FTCDNL1: variants seen among roughly 807,000 people sequenced by gnomAD.
The protein encoded by FTCDNL1 is formiminotransferase cyclodeaminase N-terminal like.
FTCDNL1 carries 11 observed loss-of-function variants against 5.9 expected under a neutral mutation model. The ratio of observed to expected loss-of-function variants is 1.87; its 90% confidence interval spans 1.18 to 3.10. FTCDNL1 has a LOEUF of 3.10. Ranked by LOEUF, FTCDNL1 falls within the 30% of genes most tolerant of loss-of-function variation. The probability of loss-of-function intolerance (pLI) is 0.00; values close to 1 mark genes in which losing one functional copy is unlikely to be tolerated. For missense variants in FTCDNL1, 115 were observed against 65.5 expected, an observed-to-expected ratio of 1.76 and a Z score of -2.61; for synonymous variants, 58 against 24.8, an observed-to-expected ratio of 2.34 and a Z score of -3.99.
At chr2:199,670,342 T>C in the FTCDNL1 span, among the ~76,000 whole-genome samples, 3,497 of 152,274 alleles carry the variant, frequency 0.023, 142 homozygotes, top group African/African-American at 0.078. Context: ...TATTTCAGCT[T>C]TCCAGTAGGT....
At chr2:199,767,925 T>C (rs1313048493) in intron 3 of FTCDNL1, among the ~76,000 whole-genome samples, 3 of 152,192 alleles carry the variant, frequency 2.0e-5, no homozygotes, top group Admixed American at 6.5e-5. Context: ...AACCTCCAGA[T>C]AAGCAAAGCA....
chr2:199,834,770 C>T (rs1405982915), intron 3 of FTCDNL1, among the ~76,000 whole-genome samples: 3 of 152,220 alleles, frequency 2.0e-5, no homozygotes, highest in Admixed American at 1.3e-4. Context: ...ACTCTTATTT[C>T]CCTGAGGGGA....
the FTCDNL1 span, among the ~76,000 whole-genome samples, chr2:199,706,492 T>A: frequency 6.6e-6 from 1 of 152,122 alleles, no homozygotes; most frequent in African/African-American, 2.4e-5. Flanking sequence ...TGCCAACCGG[T>A]TAAACCATTT....
At chr2:199,700,890 A>G in the FTCDNL1 span, among the ~76,000 whole-genome samples, 2 of 152,186 alleles carry the variant, frequency 1.3e-5, no homozygotes, top group East Asian at 1.9e-4. Flanking sequence ...AATCAACTCA[A>G]GATGGATTAA....
the FTCDNL1 span, among the ~76,000 whole-genome samples, chr2:199,731,189 G>A: frequency 2.6e-5 from 4 of 152,162 alleles, no homozygotes; most frequent in African/African-American, 4.8e-5. Context: ...ACCAGGGCCT[G>A]TCGAGGGGTT....
At chr2:199,841,845 T>C (rs572173599) in intron 3 of FTCDNL1, among the ~76,000 whole-genome samples, 30 of 152,310 alleles carry the variant, frequency 2.0e-4, no homozygotes, top group Non-Finnish European at 4.1e-4. Context: ...TTCTCTATCA[T>C]GCAGGCAGAG....
intron 3 of FTCDNL1, among the ~76,000 whole-genome samples, chr2:199,765,556 AT>A (rs374926252): frequency 1.6e-4 from 7 of 42,656 alleles, no homozygotes; most frequent in African/African-American, 2.6e-4. Flanking sequence ...ATATATATAT[AT>A]TTTTTTTTTT....
At chr2:199,793,544 A>G (rs1700034017) in intron 3 of FTCDNL1, among the ~76,000 whole-genome samples, 2 of 151,902 alleles carry the variant, frequency 1.3e-5, no homozygotes, top group African/African-American at 4.8e-5. Context: ...ATGAATTTTC[A>G]CAAAATCATC....
At chr2:199,689,703 C>T in the FTCDNL1 span, among the ~76,000 whole-genome samples, 2 of 150,546 alleles carry the variant, frequency 1.3e-5, no homozygotes, top group Non-Finnish European at 1.5e-5. Context: ...GTAAGCTACT[C>T]GGGAGGCTGA....
the FTCDNL1 span, among the ~76,000 whole-genome samples, chr2:199,695,086 G>A: frequency 6.6e-5 from 10 of 152,058 alleles, no homozygotes; most frequent in African/African-American, 1.7e-4. Context: ...ACACACTAAC[G>A]TTTCCACCCA....
rs1454424260 is a variant in FTCDNL1 at position 199,848,903 on chromosome 2, G to A, written c.60C>T (p.Ala20=). 1.1e-5 allele frequency: 8 copies of A among 702,080 alleles called. No individual in the cohort carries two copies. Among genetic ancestry groups the A allele is most frequent in the Middle Eastern group, 2.3e-4 (1 of 4,364 alleles). 43.5% of individuals were successfully genotyped at this position (702,080 alleles called of 1,614,324 possible). The change falls in exon 2 of 5, where the codon GCC becomes GCT. Residue 20 remains alanine, a synonymous_variant. Coordinates refer to ENST00000420128, the MANE Select transcript of FTCDNL1 (RefSeq NM_001363886.2). ...LAACLLNVSE[A]GRKYIVENIA... ...TGTTCTCAACAATGTATTTTCTTCC[G>A]GCTTCTGAAACGTTTAGTAAACAGG...
the FTCDNL1 span, among the ~76,000 whole-genome samples, chr2:199,680,686 C>T: frequency 1.3e-5 from 2 of 152,214 alleles, no homozygotes; most frequent in East Asian, 1.9e-4. Context: ...TGCCATGGGC[C>T]GCATCAGACA....
At chr2:199,846,449 A>T (rs1353043355) in intron 2 of FTCDNL1, among the ~76,000 whole-genome samples, 1 of 152,202 alleles carries the variant, frequency 6.6e-6, no homozygotes, top group Non-Finnish European at 1.5e-5. Context: ...AAATTCCCTT[A>T]ACTCAGTCTA....
intron 3 of FTCDNL1, among the ~76,000 whole-genome samples, chr2:199,793,744 T>C (rs868222792): frequency 6.6e-6 from 1 of 152,144 alleles, no homozygotes; most frequent in South Asian, 2.1e-4. Context: ...CATCAAGAAC[T>C]CACAACCACC....
chr2:199,846,003 G>C, intron 3 of FTCDNL1, 72 bp downstream of exon 3: 1 of 603,962 alleles, frequency 1.7e-6, no homozygotes, highest in Non-Finnish European at 3.0e-6. Context: ...GGAAATCAAT[G>C]ATTAGAGAAT....
At chr2:199,754,462 C>CTTTAACACCAGGAGGCCACCA in the FTCDNL1 span, among the ~76,000 whole-genome samples, 4 of 152,138 alleles carry the variant, frequency 2.6e-5, no homozygotes, top group East Asian at 5.8e-4. Context: ...GGAGTCTAGT[C>CTTTAACACCAGGAGGCCACCA]TTTAACACCA....
At chr2:199,689,227 G>A in the FTCDNL1 span, among the ~76,000 whole-genome samples, 1 of 152,078 alleles carries the variant, frequency 6.6e-6, no homozygotes, top group Admixed American at 6.5e-5. Context: ...AATAAAGCAA[G>A]GTCATTTTTA....
the FTCDNL1 span, among the ~76,000 whole-genome samples, chr2:199,672,214 C>G: frequency 6.6e-6 from 1 of 152,160 alleles, no homozygotes; most frequent in Non-Finnish European, 1.5e-5. Flanking sequence ...GTATTACATT[C>G]TTGGTAGCTC....
chr2:199,806,364 C>T (rs1019417967), downstream of FTCDNL1, among the ~76,000 whole-genome samples: 3 of 152,186 alleles, frequency 2.0e-5, no homozygotes, highest in Admixed American at 6.5e-5. Flanking sequence ...GTACAAACAA[C>T]AGAGTCAAAT....
Sources: gnomAD v4.1 joint callset for allele counts (sites outside exome capture counted in the v4.1 genomes callset) on GRCh38, gnomAD v4.1.1 for gene constraint, MANE v1.5 for transcripts, NCBI Gene and HGNC (gene_info 2026-07-23, HGNC 2026-07-21) for gene names.